ADAM33: variants seen among roughly 807,000 people sequenced by gnomAD.
ADAM33 encodes the protein ADAM metallopeptidase domain 33, also known as disintegrin and metalloproteinase domain-containing protein 33.
In ADAM33, 103 loss-of-function variants were observed where a neutral mutation model predicts 106.2. The observed-to-expected ratio is 0.97, with a 90% CI of 0.83 to 1.14. The LOEUF (loss-of-function observed/expected upper bound fraction) is 1.14, where lower values mean the gene tolerates loss of function less well. Among genes scored for constraint, ADAM33 ranks in the 50% most tolerant of loss-of-function variants. The pLI is 0.00. For synonymous variants in ADAM33, 483 were observed against 453.0 expected (o/e 1.07, Z -0.84); for missense variants, 1,120 against 1,096.6 (o/e 1.02, Z -0.30).
At chr20:3,681,803 C>T (rs1200585674) in intron 1 of ADAM33, 105 bp downstream of exon 1, 2 of 1,441,550 alleles carry the variant, frequency 1.4e-6, no homozygotes, top group Admixed American at 2.6e-5. Flanking sequence ...GTGCCGGGGC[C>T]GTGAGACCCT....
chr20:3,680,334 C>T (rs2088375651), intron 1 of ADAM33, among the ~76,000 whole-genome samples: 1 of 152,152 alleles, frequency 6.6e-6, no homozygotes, highest in Non-Finnish European at 1.5e-5. Flanking sequence ...TGCAGCAGCC[C>T]TCCTTCCCCC....
Position 3,671,240 on chromosome 20 carries a change from C to T in ADAM33, c.2089G>A (p.Glu697Lys), listed in dbSNP as rs749410575. 2.0e-5 allele frequency: 32 copies of T among 1,613,778 alleles called. No homozygotes were observed. In the Middle Eastern group the frequency reaches 9.9e-4, roughly 50 times the overall value. The change falls in exon 18 of 22, where the codon GAA becomes AAA. Residue 697 changes from glutamate (E) to lysine (K), a missense_variant. Physicochemically the swap from Glu to Lys is moderately conservative, Grantham distance 56 (BLOSUM62 1). Coordinates refer to ENST00000356518, the MANE Select transcript of ADAM33 (RefSeq NM_025220.5). ...GSMDSGPVQAENHDTFLLAML... is the reference protein window; with the variant it reads ...GSMDSGPVQAKNHDTFLLAML... ...CACATGCCCCCCACTGGCATACTTT[C>T]AGCCTGCACAGGGCCACTGTCCATG...
In ADAM33 at chr20:3,673,509, G is replaced by A. The variant is rs1311881188; in HGVS notation, c.991-13C>T. ...GCTCCGAGTGGTCCTGGGGGGCCGT[G>A]GGAGGGCGGTCACTGCGGCCGTAGA... is the stretch of plus-strand genomic sequence containing the variant. On this transcript the variant is annotated splice_polypyrimidine_tract_variant and intron_variant, in intron 10 of 21. Transcript: ENST00000356518. 6.8e-7 allele frequency: 1 copy of A among 1,476,960 alleles called. No individual in the cohort carries two copies. The allele number at this position is 1,476,960 out of a possible 1,614,324, so 91.5% of individuals were successfully genotyped here. A position where few individuals can be genotyped will look rare whatever the true frequency, so the allele number is the denominator to read the frequency against.
chr20:3,679,154 T>TTTTTTTTTTTTTTTTTA (rs11473462), intron 2 of ADAM33, among the ~76,000 whole-genome samples: 1 of 144,472 alleles, frequency 6.9e-6, no homozygotes. Context: ...TTTTTTTTTT[T>TTTTTTTTTTTTTTTTTA]AGAGGCTCCT....
chr20:3,679,136 CTTT>C (rs778392877), intron 2 of ADAM33, among the ~76,000 whole-genome samples: 2 of 78,250 alleles, frequency 2.6e-5, no homozygotes, highest in African/African-American at 4.9e-5. Context: ...CTTTTTGGTG[CTTT>C]TTTTTTTTTT....
chr20:3,676,956 G>C, intron 3 of ADAM33, 111 bp downstream of exon 3: 1 of 1,158,710 alleles, frequency 8.6e-7, no homozygotes, highest in African/African-American at 1.6e-5. Context: ...CCTGTCATCT[G>C]CACCCTCTCT....
At chr20:3,681,071 T>C (rs957382384) in intron 1 of ADAM33, among the ~76,000 whole-genome samples, 1 of 152,100 alleles carries the variant, frequency 6.6e-6, no homozygotes, top group Non-Finnish European at 1.5e-5. Flanking sequence ...CCTGTACCTG[T>C]TTGGTCCCCA....
rs779264848 is a variant in ADAM33, at chr20:3,668,998, C to G, written c.2407G>C (p.Asp803His). ...LPAVSPDPQA[D>H]QVQMPRSCLW ...CAGGATCTTGGCATCTGGACTTGAT[C>G]TGCTGAGAATGAGGAGGATATGTTG... Residue 803 changes from aspartate to histidine, a missense_variant and splice_region_variant, in exon 22 of 22, where the codon GAT becomes CAT. Transcript: ENST00000356518. The G allele has an allele frequency of 7.4e-6, 12 of 1,613,894 alleles. No homozygotes were observed. In the Admixed American group the frequency reaches 1.8e-4, roughly 25 times the overall value.
At chr20:3,670,081 C>T (rs1848912003) in intron 19 of ADAM33, 1 of 270,088 alleles carries the variant, frequency 3.7e-6, no homozygotes, top group Non-Finnish European at 7.2e-6. Context: ...GATGTTCCTT[C>T]AAAACATTCT....
Position 3,668,929 on chromosome 20 carries a change from T to G in ADAM33, c.*34A>C. On this transcript the variant is annotated 3_prime_UTR_variant, in exon 22 of 22. Coordinates refer to ENST00000356518, the MANE Select transcript of ADAM33 (RefSeq NM_025220.5). ...CCTGGAGTGGCTGTCAGTGGCCACC[T>G]GTCTTTAAATCTGTTCATTTTAGGA... The G allele has an allele frequency of 1.2e-6, 2 of 1,612,682 alleles. No individual in the cohort carries two copies. The highest frequency in any genetic ancestry group is 1.7e-6 in the Non-Finnish European group (2 of 1,178,842).
chr20:3,674,140 G>A lies in ADAM33; in HGVS notation c.667-5C>T, dbSNP rs377725138. 76 of 1,614,206 alleles carry A rather than the reference G, an allele frequency of 4.7e-5. No homozygotes were observed. In the African/African-American group the frequency reaches 7.7e-4, roughly 16 times the overall value. On this transcript the variant is annotated splice_polypyrimidine_tract_variant and splice_region_variant and intron_variant, in intron 7 of 21. Coordinates refer to ENST00000356518, the MANE Select transcript of ADAM33 (RefSeq NM_025220.5). ...GTTTCGGTGCCGAGTCAAGAACTGG[G>A]AAGGCAGAAATCCCGGTGGCTTGAG...
intron 19 of ADAM33, 125 bp from the exon 20 acceptor site, chr20:3,669,762 G>A: frequency 1.1e-6 from 1 of 876,002 alleles, no homozygotes; most frequent in Non-Finnish European, 1.8e-6. Context: ...GCACCCATCT[G>A]CTCCAAGTCA....
chr20:3,679,994 C>G (rs1052858922), intron 1 of ADAM33, among the ~76,000 whole-genome samples: 4 of 152,146 alleles, frequency 2.6e-5, no homozygotes, highest in South Asian at 2.1e-4. Context: ...TGTGCCCCCC[C>G]CATCATCTGA....
chr20:3,672,394 A>T, intron 13 of ADAM33, 65 bp from the exon 14 acceptor site: 1 of 1,585,388 alleles, frequency 6.3e-7, no homozygotes, highest in Non-Finnish European at 8.6e-7. Flanking sequence ...GTCCATGCCG[A>T]GAGCGCGGCT....
intron 2 of ADAM33, among the ~76,000 whole-genome samples, chr20:3,678,725 G>A (rs2088187109): frequency 6.6e-6 from 1 of 152,226 alleles, no homozygotes; most frequent in South Asian, 2.1e-4. Context: ...ACCTTAGTGG[G>A]TCTCAGGCTC....
At chr20:3,669,978 T>C in intron 19 of ADAM33, 1 of 472,134 alleles carries the variant, frequency 2.1e-6, no homozygotes, top group Non-Finnish European at 3.9e-6. Context: ...CTATGTCTGC[T>C]CTCCTTGCCC....
intron 11 of ADAM33, 82 bp downstream of exon 11, chr20:3,673,272 T>G: frequency 1.3e-6 from 2 of 1,534,234 alleles, no homozygotes; most frequent in Non-Finnish European, 1.7e-6. Context: ...AAGAGGAAAC[T>G]GAGGGACGAC....
intron 1 of ADAM33, among the ~76,000 whole-genome samples, chr20:3,680,903 A>G (rs2853212): frequency 0.53 from 81,137 of 151,986 alleles, 22,102 homozygotes; most frequent in African/African-American, 0.61. Context: ...TGACCGGGTG[A>G]ATGGGGGTGG....
Position 3,674,643 on chromosome 20 carries a change from G to A in ADAM33, c.461C>T (p.Pro154Leu), listed in dbSNP as rs2087817803. The change falls in exon 6 of 22, where the codon CCA (proline) becomes CTA (leucine). Residue 154 changes from proline (P) to leucine (L), a missense_variant. Coordinates refer to ENST00000356518, the MANE Select transcript of ADAM33 (RefSeq NM_025220.5). ...TGAGAAGTCCTTGGAGCCCCGGGGT[G>A]GCCAGGGACGCAGATAATAGCTGGC... ...RNASYYLRPWPPRGSKDFSTH... is the reference protein window; with the variant it reads ...RNASYYLRPWLPRGSKDFSTH... 1 of 1,612,300 alleles carries A rather than the reference G, an allele frequency of 6.2e-7. No homozygotes were observed. The highest frequency in any genetic ancestry group is 1.1e-5 in the South Asian group (1 of 90,804).
Sources: gnomAD v4.1 joint callset for allele counts (sites outside exome capture counted in the v4.1 genomes callset) on GRCh38, gnomAD v4.1.1 for gene constraint, MANE v1.5 for transcripts, NCBI Gene and HGNC (gene_info 2026-07-23, HGNC 2026-07-21) for gene names.